TSPAN9: variants seen among roughly 807,000 people sequenced by gnomAD.
TSPAN9 encodes tetraspanin 9.
A neutral mutation model predicts 31.0 loss-of-function variants in TSPAN9; 16 were observed. That is an observed-to-expected ratio of 0.52 (90% CI 0.35 to 0.78). TSPAN9 has a LOEUF of 0.78. Ranked by LOEUF, TSPAN9 falls within the 30% of genes least tolerant of loss-of-function variation. The pLI is 0.01. For synonymous variants in TSPAN9, 145 were observed against 121.6 expected (o/e 1.19, Z -1.27); for missense variants, 272 against 312.5 (o/e 0.87, Z 0.98).
intron 2 of TSPAN9, among the ~76,000 whole-genome samples, chr12:3,134,047 G>A (rs532984309): frequency 5.5e-4 from 84 of 152,266 alleles, no homozygotes; most frequent in Non-Finnish European, 1.0e-3. Flanking sequence ...TGTAATGTAA[G>A]GGTTGCCGTC....
chr12:3,213,202 G>A (rs2098379662), intron 3 of TSPAN9, among the ~76,000 whole-genome samples: 1 of 152,178 alleles, frequency 6.6e-6, no homozygotes, highest in Non-Finnish European at 1.5e-5. Flanking sequence ...CTGTGGCTGG[G>A]CGGGCAACCT....
Position 3,082,710 on chromosome 12 carries a change from G to C in TSPAN9, c.-84-943G>C, listed in dbSNP as rs1212174305. 2.6e-5 allele frequency among the ~76,000 whole-genome samples: 4 copies of C among 152,260 alleles called. No homozygotes were observed. In the South Asian group the frequency reaches 8.3e-4, roughly 32 times the overall value. ...ATCAGGATCATTTGTAACTTGATTG[G>C]ATGGGGAGGTGAGGAAAGGATGAAG... On this transcript the variant is annotated intron_variant, in intron 1 of 8. Coordinates refer to ENST00000011898, the MANE Select transcript of TSPAN9 (RefSeq NM_006675.5).
At chr12:3,201,739 G>A (rs2098371970) in intron 3 of TSPAN9, among the ~76,000 whole-genome samples, 2 of 152,208 alleles carry the variant, frequency 1.3e-5, no homozygotes, top group African/African-American at 4.8e-5. Context: ...GGGGGGCGGG[G>A]TGTAGAGGCC....
chr12:3,245,002 G>A (rs1348600911), intron 3 of TSPAN9, among the ~76,000 whole-genome samples: 1 of 152,194 alleles, frequency 6.6e-6, no homozygotes, highest in South Asian at 2.1e-4. Context: ...GGGCATCCCG[G>A]TCTTTCCAAG....
rs185187557 is a variant in TSPAN9 at position 3,220,791 on chromosome 12, G to A, written c.63+19535G>A. Among the ~76,000 whole-genome samples the A allele has an allele frequency of 2.8e-3, 426 of 152,166 alleles. 1 individual carries two copies. Among genetic ancestry groups the A allele is most frequent in the African/African-American group, 9.5e-3 (394 of 41,520 alleles). Reference sequence around the variant, plus strand: ...ACACCGCCCAGCACAGAGGGCTCTCGGTGGGAAGGCGGGCCCAAGGAGGGC... The same window carrying A: ...ACACCGCCCAGCACAGAGGGCTCTCAGTGGGAAGGCGGGCCCAAGGAGGGC... On this transcript the variant is annotated intron_variant, in intron 3 of 8. Coordinates refer to ENST00000011898, the MANE Select transcript of TSPAN9 (RefSeq NM_006675.5).
chr12:3,200,992 T>C (rs2098371217), intron 2 of TSPAN9, 185 bp from the exon 3 acceptor site: 1 of 591,390 alleles, frequency 1.7e-6, no homozygotes, highest in Admixed American at 3.1e-5. Context: ...ACTCGGACTT[T>C]GCCAAGCCGT....
chr12:3,267,864 T>C (rs1470845309), intron 3 of TSPAN9, among the ~76,000 whole-genome samples: 6 of 152,180 alleles, frequency 3.9e-5, no homozygotes, highest in African/African-American at 2.4e-5. Flanking sequence ...CACCTGACCA[T>C]CCCCCACTCC....
intron 3 of TSPAN9, among the ~76,000 whole-genome samples, chr12:3,264,828 C>T (rs1014313291): frequency 3.9e-5 from 6 of 152,200 alleles, no homozygotes; most frequent in Non-Finnish European, 8.8e-5. Flanking sequence ...CCATTAATTC[C>T]CATTTAAAAC....
chr12:3,155,636 G>A (rs1241551976), intron 2 of TSPAN9, among the ~76,000 whole-genome samples: 1 of 152,054 alleles, frequency 6.6e-6, no homozygotes. Context: ...GCAAGACCAC[G>A]TCTTCCTTTT....
intron 2 of TSPAN9, among the ~76,000 whole-genome samples, chr12:3,092,890 G>C (rs1338833272): frequency 6.6e-6 from 1 of 152,182 alleles, no homozygotes; most frequent in East Asian, 1.9e-4. Context: ...TGAGAGGGAG[G>C]TTAGAAATGA....
intron 3 of TSPAN9, among the ~76,000 whole-genome samples, chr12:3,250,697 A>ATC (rs1445275505): frequency 6.6e-6 from 1 of 152,178 alleles, no homozygotes; most frequent in Non-Finnish European, 1.5e-5. Flanking sequence ...GATATCACCC[A>ATC]TCTCAGGTTG....
At chr12:3,252,322 T>G (rs1386855441) in intron 3 of TSPAN9, among the ~76,000 whole-genome samples, 2 of 152,160 alleles carry the variant, frequency 1.3e-5, no homozygotes, top group South Asian at 4.1e-4. Flanking sequence ...GAATGGCGTT[T>G]AGAGGGTATG....
chr12:3,121,624 T>TTGA (rs2098325204), intron 2 of TSPAN9, among the ~76,000 whole-genome samples: 1 of 139,052 alleles, frequency 7.2e-6, no homozygotes, highest in African/African-American at 2.6e-5. Context: ...GTGATCCTCC[T>TTGA]GCCTTGGCCT....
chr12:3,238,873 G>A (rs951538443), intron 3 of TSPAN9, among the ~76,000 whole-genome samples: 1 of 152,178 alleles, frequency 6.6e-6, no homozygotes, highest in African/African-American at 2.4e-5. Context: ...CGCCCTTTGT[G>A]TGTGTAACAC....
chr12:3,128,842 T>G (rs11062519), intron 2 of TSPAN9, among the ~76,000 whole-genome samples: 56,393 of 152,106 alleles, frequency 0.37, 11,548 homozygotes, highest in Admixed American at 0.49. Context: ...TACATTATTG[T>G]GCAATCATCA....
intron 1 of TSPAN9, among the ~76,000 whole-genome samples, 168 bp downstream of exon 1, chr12:3,077,621 C>T (rs2098295734): frequency 6.8e-6 from 1 of 147,408 alleles, no homozygotes; most frequent in Non-Finnish European, 1.5e-5. Context: ...GGCGGTGGGA[C>T]GAGAGGACGA....
At chr12:3,182,425 C>CT (rs2098358967) in intron 2 of TSPAN9, among the ~76,000 whole-genome samples, 2 of 151,824 alleles carry the variant, frequency 1.3e-5, no homozygotes. Flanking sequence ...TGAGGGAGCT[C>CT]TTTTCTCTTT....
chr12:3,235,991 G>C (rs2098393551), intron 3 of TSPAN9, among the ~76,000 whole-genome samples: 1 of 152,266 alleles, frequency 6.6e-6, no homozygotes, highest in Non-Finnish European at 1.5e-5. Context: ...GGCGGCATGA[G>C]GGATCCTGAT....
intron 2 of TSPAN9, among the ~76,000 whole-genome samples, chr12:3,131,382 G>A (rs1033171616): frequency 1.4e-4 from 21 of 152,208 alleles, no homozygotes; most frequent in Non-Finnish European, 2.8e-4. Flanking sequence ...TACAGCAGCA[G>A]CCAGTTGCAC....
Sources: gnomAD v4.1 joint callset for allele counts (sites outside exome capture counted in the v4.1 genomes callset) on GRCh38, gnomAD v4.1.1 for gene constraint, MANE v1.5 for transcripts, NCBI Gene and HGNC (gene_info 2026-07-23, HGNC 2026-07-21) for gene names.